C9orf85: variants seen among roughly 807,000 people sequenced by gnomAD.
The protein encoded by C9orf85 is chromosome 9 open reading frame 85.
C9orf85 carries 16 observed loss-of-function variants against 14.9 expected under a neutral mutation model. That is an observed-to-expected ratio of 1.08 (90% CI 0.73 to 1.63). The LOEUF (loss-of-function observed/expected upper bound fraction) is 1.63. Ranked by LOEUF, C9orf85 falls within the 40% of genes most tolerant of loss-of-function variation. The probability of loss-of-function intolerance (pLI) is 0.00; values close to 1 mark genes in which losing one functional copy is unlikely to be tolerated. For synonymous variants in C9orf85, 45 were observed against 56.8 expected (o/e 0.79, Z 0.93); for missense variants, 172 against 186.1 (o/e 0.92, Z 0.44).
chr9:71,955,527 G>T (rs1339667267), intron 2 of C9orf85, among the ~76,000 whole-genome samples: 2 of 152,136 alleles, frequency 1.3e-5, no homozygotes, highest in Non-Finnish European at 2.9e-5. Flanking sequence ...TAAACAGCTG[G>T]ATTGGTTACA....
At chr9:71,974,505 A>G (rs1822968130), downstream of C9orf85, among the ~76,000 whole-genome samples, 1 of 152,076 alleles carries the variant, frequency 6.6e-6, no homozygotes, top group Non-Finnish European at 1.5e-5. Context: ...GGCCTCCCGA[A>G]ATGCTGGAAT....
chr9:71,949,019 G>C (rs540683544), intron 2 of C9orf85, among the ~76,000 whole-genome samples: 123 of 152,340 alleles, frequency 8.1e-4, no homozygotes, highest in African/African-American at 2.9e-3. Context: ...TTCTCTGCTA[G>C]AGTAATTAGA....
chr9:71,978,357 G>A (rs1181846176), downstream of C9orf85, among the ~76,000 whole-genome samples: 1 of 152,124 alleles, frequency 6.6e-6, no homozygotes, highest in Non-Finnish European at 1.5e-5. Context: ...TGATTTGCCT[G>A]CCTCAGCCTC....
chr9:71,980,170 T>C (rs1191804292), intron 3 of C9orf85, among the ~76,000 whole-genome samples: 2 of 152,000 alleles, frequency 1.3e-5, no homozygotes, highest in African/African-American at 4.8e-5. Flanking sequence ...CGCGCCACCA[T>C]GCCCGGCTAA....
At chr9:71,975,920 T>C (rs966933786), downstream of C9orf85, among the ~76,000 whole-genome samples, 2 of 152,248 alleles carry the variant, frequency 1.3e-5, no homozygotes, top group Non-Finnish European at 2.9e-5. Context: ...ACTTTTGTGA[T>C]TAAGGAGCCA....
chr9:71,935,668 T>C (rs1828170901), intron 1 of C9orf85, among the ~76,000 whole-genome samples: 1 of 151,592 alleles, frequency 6.6e-6, no homozygotes, highest in South Asian at 2.1e-4. Context: ...TGTAATTCCA[T>C]TTACATGAGA....
intron 2 of C9orf85, among the ~76,000 whole-genome samples, chr9:71,963,878 C>G (rs1453722540): frequency 6.6e-6 from 1 of 152,220 alleles, no homozygotes; most frequent in Non-Finnish European, 1.5e-5. Flanking sequence ...ACCCCCTGCT[C>G]CACGGAGCCC....
intron 1 of C9orf85, among the ~76,000 whole-genome samples, chr9:71,930,754 G>A (rs1012495588): frequency 2.1e-5 from 3 of 145,314 alleles, no homozygotes; most frequent in Admixed American, 1.4e-4. Flanking sequence ...ACAGTGAGCC[G>A]TGATCCCACC....
intron 3 of C9orf85, among the ~76,000 whole-genome samples, chr9:71,978,893 G>A (rs1422357699): frequency 6.6e-6 from 1 of 152,142 alleles, no homozygotes; most frequent in African/African-American, 2.4e-5. Context: ...AAATTAGCCG[G>A]GCGTGGAGGC....
chr9:71,973,144 C>CA lies in C9orf85; in HGVS notation c.*310dup, dbSNP rs986967192. On this transcript the variant is annotated 3_prime_UTR_variant, in exon 4 of 4. Transcript: ENST00000334731. Reference sequence around the variant, plus strand: ...TGGGTGACAGAGTGAGACTCTGTCTCAAAAAAAATAAAATAAAAAGTCAAT... The same window carrying CA: ...TGGGTGACAGAGTGAGACTCTGTCTCAAAAAAAAATAAAATAAAAAGTCAAT... 2.1e-4 allele frequency: 34 copies of CA among 159,452 alleles called. No homozygotes were observed. In the South Asian group the frequency reaches 5.2e-3, roughly 24 times the overall value. 9.9% of individuals were successfully genotyped at this position (159,452 alleles called of 1,614,324 possible). A position where few individuals can be genotyped will look rare whatever the true frequency, so the allele number is the denominator to read the frequency against.
chr9:71,980,340 T>A (rs1252456372), intron 3 of C9orf85, among the ~76,000 whole-genome samples: 2 of 151,566 alleles, frequency 1.3e-5, no homozygotes, highest in Non-Finnish European at 2.9e-5. Flanking sequence ...TCTGTAAGAG[T>A]TATTTATTTC....
intron 2 of C9orf85, among the ~76,000 whole-genome samples, chr9:71,959,893 T>G (rs762111639): frequency 1.3e-5 from 2 of 152,230 alleles, no homozygotes; most frequent in Non-Finnish European, 1.5e-5. Flanking sequence ...AGATGACAGA[T>G]AGGAAACTGC....
intron 1 of C9orf85, chr9:71,918,289 T>G (rs80272713): frequency 7.3e-6 from 3 of 413,264 alleles, no homozygotes; most frequent in South Asian, 6.6e-5. Flanking sequence ...ATTATATTAG[T>G]GTTCCTATTT....
chr9:71,941,140 C>T (rs545971784), intron 1 of C9orf85, among the ~76,000 whole-genome samples: 8 of 152,188 alleles, frequency 5.3e-5, no homozygotes, highest in South Asian at 2.1e-4. Flanking sequence ...TTTAAGCTGA[C>T]GATCTTTTTT....
At chr9:71,948,136 C>A (rs141429212) in intron 2 of C9orf85, among the ~76,000 whole-genome samples, 9 of 152,268 alleles carry the variant, frequency 5.9e-5, no homozygotes, top group African/African-American at 2.2e-4. Context: ...ATTTGGTAAT[C>A]TATATAGTAG....
intron 2 of C9orf85, among the ~76,000 whole-genome samples, chr9:71,970,814 T>G (rs1310089230): frequency 7.1e-6 from 1 of 140,954 alleles, no homozygotes; most frequent in Non-Finnish European, 1.5e-5. Context: ...CTTCTCAATA[T>G]TCTCAATATT....
chr9:71,947,259 G>C lies in C9orf85; in HGVS notation c.209+147G>C, dbSNP rs1284610027. ...TCTCCCCTGTAGAATTTCATCTTGT[G>C]TGCTGAATCTTGGTTTGTGAAGGCC... On this transcript the variant is annotated intron_variant, in intron 2 of 3. Coordinates refer to ENST00000334731, the MANE Select transcript of C9orf85 (RefSeq NM_182505.5). 5.2e-6 allele frequency: 3 copies of C among 574,892 alleles called. No homozygotes were observed. In the East Asian group the frequency reaches 8.8e-5, roughly 17 times the overall value. 35.6% of individuals were successfully genotyped at this position (574,892 alleles called of 1,614,324 possible).
At chr9:71,958,257 T>C (rs1488723007) in intron 2 of C9orf85, among the ~76,000 whole-genome samples, 1 of 70,890 alleles carries the variant, frequency 1.4e-5, no homozygotes, top group Non-Finnish European at 2.5e-5. Flanking sequence ...TATATTTTTA[T>C]ATATATAAAT....
In C9orf85 at chr9:71,972,750, A is replaced by G. The variant is rs1387013948; in HGVS notation, c.382A>G (p.Arg128Gly). ...TGAAAATAATCTAAGTTCCAACCAT[A>G]GAAGAAGCTGCAGAAGAAATGAAGA... ...HTENNLSSNHRRSCRRNEESD... is the reference protein window; with the variant it reads ...HTENNLSSNHGRSCRRNEESD... Residue 128 changes from arginine (R) to glycine (G), a missense_variant, in exon 4 of 4, where the codon AGA becomes GGA. Physicochemically the swap from Arg to Gly is moderately radical, Grantham distance 125. Coordinates refer to ENST00000334731, the MANE Select transcript of C9orf85 (RefSeq NM_182505.5). 6.2e-7 allele frequency: 1 copy of G among 1,609,032 alleles called. No individual in the cohort carries two copies. The highest frequency in any genetic ancestry group is 1.7e-5 in the Admixed American group (1 of 59,986).
Sources: allele counts gnomAD v4.1 joint callset (sites outside exome capture counted in the v4.1 genomes callset), GRCh38; gene constraint gnomAD v4.1.1; transcripts MANE v1.5; gene names NCBI Gene and HGNC (gene_info 2026-07-23, HGNC 2026-07-21).